The following ATXN7 variants were observed in gnomAD, a reference collection of about 807,000 sequenced individuals.
The protein encoded by ATXN7 is ataxin-7.
ATXN7 carries 12 observed loss-of-function variants against 70.5 expected under a neutral mutation model. That is an observed-to-expected ratio of 0.17 (90% CI 0.11 to 0.28). The LOEUF is 0.28. ATXN7 is among the 10% of genes least tolerant of loss of function. The pLI is 1.00. For missense variants in ATXN7, 1,256 were observed against 1,131.7 expected (o/e 1.11, Z -1.58); for synonymous variants, 498 against 448.7 (o/e 1.11, Z -1.39).
At chr3:63,902,794 T>C (rs1293117837) in intron 2 of ATXN7, among the ~76,000 whole-genome samples, 2 of 151,784 alleles carry the variant, frequency 1.3e-5, no homozygotes, top group East Asian at 3.9e-4. Context: ...CCTAACAGAG[T>C]TTTGTGACAA....
chr3:63,932,720 G>C (rs1046639288), intron 4 of ATXN7, among the ~76,000 whole-genome samples: 1 of 151,978 alleles, frequency 6.6e-6, no homozygotes, highest in African/African-American at 2.4e-5. Flanking sequence ...CTCCTTTCCC[G>C]TGACCCCTTT....
chr3:63,994,834 T>A (rs2075730329), intron 11 of ATXN7, among the ~76,000 whole-genome samples: 2 of 152,188 alleles, frequency 1.3e-5, no homozygotes, highest in Admixed American at 6.5e-5. Flanking sequence ...AAGGAGACCC[T>A]CCCTGGTTTG....
At chr3:63,915,187 G>A (rs149919244) in intron 4 of ATXN7, among the ~76,000 whole-genome samples, 1 of 152,180 alleles carries the variant, frequency 6.6e-6, no homozygotes, top group Non-Finnish European at 1.5e-5. Flanking sequence ...CACCTGCCTC[G>A]GCCTCCCAAA....
At position 63,875,470 on chromosome 3, in the gene ATXN7, C is replaced by T. The variant is rs191384054; in HGVS notation, c.-111+11312C>T. ...GTGTAATGGTGGTGTCTAGTAGTCACCTTGGTAATTAGTAGCTGCTGCTGT... is the reference window on the plus strand; with the variant it reads ...GTGTAATGGTGGTGTCTAGTAGTCATCTTGGTAATTAGTAGCTGCTGCTGT... On this transcript the variant is annotated intron_variant, in intron 1 of 12. Transcript: ENST00000674280. Among the ~76,000 whole-genome samples, 218 of 152,292 alleles carry T rather than the reference C, an allele frequency of 1.4e-3. 5 individuals carry two copies. Among genetic ancestry groups the T allele is most frequent in the Admixed American group, 0.012 (176 of 15,302 alleles).
intron 4 of ATXN7, among the ~76,000 whole-genome samples, chr3:63,939,564 G>T (rs1339818817): frequency 6.6e-6 from 1 of 152,136 alleles, no homozygotes; most frequent in Non-Finnish European, 1.5e-5. Context: ...TGCCATAAAA[G>T]CAATAAAAGC....
intron 2 of ATXN7, among the ~76,000 whole-genome samples, chr3:63,906,220 G>A (rs1161184082): frequency 8.5e-5 from 13 of 152,218 alleles, no homozygotes; most frequent in Admixed American, 8.5e-4. Context: ...TACAAACCCA[G>A]GTAGGCTCCT....
chr3:63,997,206 C>T (rs1379468363), intron 12 of ATXN7, among the ~76,000 whole-genome samples: 1 of 152,020 alleles, frequency 6.6e-6, no homozygotes, highest in African/African-American at 2.4e-5. Context: ...TGCAGTGAGC[C>T]AAGATCGCGC....
intron 4 of ATXN7, among the ~76,000 whole-genome samples, chr3:63,930,861 A>C (rs1444785562): frequency 6.6e-6 from 1 of 152,072 alleles, no homozygotes; most frequent in Admixed American, 6.6e-5. Flanking sequence ...ATTCGAATGT[A>C]TCTGTACTGC....
At chr3:63,890,342 G>A (rs1157161703) in intron 1 of ATXN7, among the ~76,000 whole-genome samples, 2 of 152,232 alleles carry the variant, frequency 1.3e-5, no homozygotes, top group African/African-American at 2.4e-5. Context: ...ACAGAATTTA[G>A]ACATGTAAGA....
At chr3:63,928,494 T>G (rs1463167912) in intron 4 of ATXN7, among the ~76,000 whole-genome samples, 1 of 152,088 alleles carries the variant, frequency 6.6e-6, no homozygotes, top group Non-Finnish European at 1.5e-5. Context: ...TAGAAAGTAG[T>G]GGTAGTAATA....
chr3:63,890,200 T>A (rs1043516533), intron 1 of ATXN7, among the ~76,000 whole-genome samples: 2 of 152,226 alleles, frequency 1.3e-5, no homozygotes, highest in East Asian at 1.9e-4. Context: ...TCAGATTTAC[T>A]CAAGGGGTTT....
chr3:63,940,144 G>A (rs1009539248), intron 4 of ATXN7, among the ~76,000 whole-genome samples: 5 of 152,126 alleles, frequency 3.3e-5, no homozygotes, highest in Non-Finnish European at 5.9e-5. Context: ...ACATGGATGT[G>A]TAGAGTTGTG....
chr3:63,900,960 T>G (rs559310140), intron 2 of ATXN7: 2 of 152,378 alleles, frequency 1.3e-5, no homozygotes, highest in Non-Finnish European at 2.9e-5. Flanking sequence ...CCATCTAATG[T>G]GGCAATCCCT....
chr3:63,901,613 TA>T (rs1435689944), intron 2 of ATXN7: 1 of 152,058 alleles, frequency 6.6e-6, no homozygotes, highest in Non-Finnish European at 1.5e-5. Flanking sequence ...AAAATAGAGA[TA>T]GGGGTCTCGC....
upstream of ATXN7, chr3:63,863,846 G>C: frequency 8.2e-7 from 1 of 1,220,282 alleles, no homozygotes; most frequent in Non-Finnish European, 1.0e-6. Context: ...GGCGGTTGGC[G>C]GCGGCGGAGG....
chr3:63,996,339 C>G lies in ATXN7; in HGVS notation c.2517C>G (p.Cys839Trp), dbSNP rs1174864291. The G allele has an allele frequency of 6.2e-7, 1 of 1,614,052 alleles. No individual in the cohort carries two copies. The highest frequency in any genetic ancestry group is 8.5e-7 in the Non-Finnish European group (1 of 1,180,042). The change falls in exon 12 of 13, where the codon TGC becomes TGG. Residue 839 changes from cysteine to tryptophan, a missense_variant. Cys to Trp is a radical substitution (Grantham distance 215, BLOSUM62 -2). Transcript: ENST00000674280. ...AACTCATAGGAAAGAAAAGAAAGTGCTCACCCAGCTCGAGCAGCATCAACA... is the reference window on the plus strand; with the variant it reads ...AACTCATAGGAAAGAAAAGAAAGTGGTCACCCAGCTCGAGCAGCATCAACA... ...LDKLIGKKRK[C>W]SPSSSSINNS...
intron 4 of ATXN7, among the ~76,000 whole-genome samples, chr3:63,930,000 A>G (rs1229417154): frequency 6.6e-6 from 1 of 152,184 alleles, no homozygotes; most frequent in East Asian, 1.9e-4. Context: ...CGATCCATCC[A>G]CAGGAACTGG....
At position 63,987,941 on chromosome 3, in the gene ATXN7, C is replaced by T. The variant is rs2075606264; in HGVS notation, c.1096-118C>T. 4 of 1,247,128 alleles carry T rather than the reference C, an allele frequency of 3.2e-6. No homozygotes were observed. The East Asian group carries it at 7.1e-5, about 22-fold the overall frequency. The allele number at this position is 1,247,128 out of a possible 1,614,324, so 77.3% of individuals were successfully genotyped here. On this transcript the variant is annotated intron_variant, in intron 8 of 12. Transcript: ENST00000674280. ...TTTTAGCTTATCAAATGCTGAGTAG[C>T]CTTTCACTATGCTTATGGTCTAGAT... is the stretch of plus-strand genomic sequence containing the variant.
At chr3:63,916,531 A>C (rs1473456172) in intron 4 of ATXN7, among the ~76,000 whole-genome samples, 1 of 152,182 alleles carries the variant, frequency 6.6e-6, no homozygotes, top group East Asian at 1.9e-4. Flanking sequence ...CCTATCAGGC[A>C]AGACTACCCA....
Sources: allele counts gnomAD v4.1 joint callset (sites outside exome capture counted in the v4.1 genomes callset), GRCh38; gene constraint gnomAD v4.1.1; transcripts MANE v1.5; gene names NCBI Gene and HGNC (gene_info 2026-07-23, HGNC 2026-07-21).